QTMAN: variants seen among roughly 807,000 people sequenced by gnomAD.
QTMAN encodes tRNA-queuosine alpha-mannosyltransferase.
chr2:144,081,874 T>G, the QTMAN span, among the ~76,000 whole-genome samples: 1 of 151,922 alleles, frequency 6.6e-6, no homozygotes, highest in African/African-American at 2.4e-5. Flanking sequence ...TTAACATACT[T>G]TAGGGGTTAT....
At chr2:144,037,215 A>T in the QTMAN span, among the ~76,000 whole-genome samples, 1 of 152,210 alleles carries the variant, frequency 6.6e-6, no homozygotes, top group Non-Finnish European at 1.5e-5. Flanking sequence ...ACTAAATAGA[A>T]ATAGTGCTTG....
At chr2:144,289,388 C>A in the QTMAN span, among the ~76,000 whole-genome samples, 2 of 152,312 alleles carry the variant, frequency 1.3e-5, no homozygotes, top group African/African-American at 4.8e-5. Flanking sequence ...GGCATTATTT[C>A]CCTATGAAAC....
At chr2:144,143,516 G>A in the QTMAN span, among the ~76,000 whole-genome samples, 30 of 151,808 alleles carry the variant, frequency 2.0e-4, no homozygotes, top group East Asian at 9.7e-4. Context: ...TGCTACTTCC[G>A]TGCATCCCTT....
the QTMAN span, among the ~76,000 whole-genome samples, chr2:144,041,138 A>G: frequency 2.0e-5 from 3 of 152,204 alleles, no homozygotes; most frequent in Admixed American, 2.0e-4. Context: ...TATGCTAAAT[A>G]TATTCAAAAT....
chr2:144,279,579 A>AGCT, the QTMAN span, among the ~76,000 whole-genome samples: 1 of 152,256 alleles, frequency 6.6e-6, no homozygotes, highest in African/African-American at 2.4e-5. Context: ...AGGAATTCCA[A>AGCT]TTCAGCAGGT....
chr2:143,969,904 C>T, the QTMAN span, among the ~76,000 whole-genome samples: 3 of 152,088 alleles, frequency 2.0e-5, no homozygotes, highest in Admixed American at 6.5e-5. Flanking sequence ...TTAGGTGTTC[C>T]TTAGGAGTCA....
the QTMAN span, among the ~76,000 whole-genome samples, chr2:144,116,768 A>T: frequency 1.3e-5 from 2 of 152,318 alleles, no homozygotes; most frequent in South Asian, 4.1e-4. Flanking sequence ...TTACAATCCC[A>T]TGAGGCTAAT....
chr2:144,160,470 A>C, the QTMAN span, among the ~76,000 whole-genome samples: 30 of 152,304 alleles, frequency 2.0e-4, no homozygotes, highest in African/African-American at 7.2e-4. Flanking sequence ...ATGACTTATC[A>C]AATCTCACAT....
the QTMAN span, among the ~76,000 whole-genome samples, chr2:144,137,782 T>C: frequency 6.6e-6 from 1 of 152,084 alleles, no homozygotes; most frequent in Non-Finnish European, 1.5e-5. Flanking sequence ...CATCCAGACC[T>C]GAATCCTAAG....
chr2:144,178,174 T>C, the QTMAN span: 1 of 152,190 alleles, frequency 6.6e-6, no homozygotes, highest in Non-Finnish European at 1.5e-5. Context: ...ATTTCCTATA[T>C]TAGAAGCCTA....
chr2:144,312,650 C>CA, the QTMAN span, among the ~76,000 whole-genome samples: 3 of 152,184 alleles, frequency 2.0e-5, no homozygotes, highest in East Asian at 5.8e-4. Flanking sequence ...TTTGTGTCCC[C>CA]ACCCAAATCT....
At chr2:143,958,901 C>G in the QTMAN span, among the ~76,000 whole-genome samples, 1 of 149,984 alleles carries the variant, frequency 6.7e-6, no homozygotes, top group South Asian at 2.1e-4. Context: ...AGTTAAATAC[C>G]AATTCTTAAA....
At chr2:144,223,805 A>T in the QTMAN span, among the ~76,000 whole-genome samples, 1 of 152,238 alleles carries the variant, frequency 6.6e-6, no homozygotes, top group Non-Finnish European at 1.5e-5. Flanking sequence ...AAGTGTTGAG[A>T]ATCCCAAGAT....
At chr2:144,026,334 C>T in the QTMAN span, among the ~76,000 whole-genome samples, 1 of 152,062 alleles carries the variant, frequency 6.6e-6, no homozygotes, top group Non-Finnish European at 1.5e-5. Flanking sequence ...ACTTGGCAGG[C>T]TGAAGCAGAA....
chr2:144,028,346 G>T, the QTMAN span, among the ~76,000 whole-genome samples: 1 of 152,080 alleles, frequency 6.6e-6, no homozygotes, highest in Admixed American at 6.6e-5. Context: ...TGAACCTAGA[G>T]AGTTATAATA....
At chr2:144,308,071 A>G in the QTMAN span, among the ~76,000 whole-genome samples, 1 of 152,128 alleles carries the variant, frequency 6.6e-6, no homozygotes, top group Non-Finnish European at 1.5e-5. Flanking sequence ...TTCAAGACTT[A>G]CTACTGAACA....
At chr2:144,176,837 T>C in the QTMAN span, among the ~76,000 whole-genome samples, 10 of 152,298 alleles carry the variant, frequency 6.6e-5, no homozygotes, top group African/African-American at 1.4e-4. Flanking sequence ...TGTTCTCACA[T>C]TGCTATAAAG....
chr2:144,151,218 A>C, the QTMAN span, among the ~76,000 whole-genome samples: 1 of 152,126 alleles, frequency 6.6e-6, no homozygotes, highest in African/African-American at 2.4e-5. Context: ...TGCTTTTAAC[A>C]CCATGTTGTT....
the QTMAN span, among the ~76,000 whole-genome samples, chr2:144,058,680 T>TA: frequency 6.6e-6 from 1 of 150,668 alleles, no homozygotes; most frequent in African/African-American, 2.5e-5. Context: ...CAACAGGATA[T>TA]ATCCAGGGAC....
Sources: allele counts gnomAD v4.1 joint callset (sites outside exome capture counted in the v4.1 genomes callset), GRCh38; gene constraint gnomAD v4.1.1; transcripts MANE v1.5; gene names NCBI Gene and HGNC (gene_info 2026-07-23, HGNC 2026-07-21).